Variants in STMND1 observed in about 807,000 individuals in gnomAD.
STMND1 encodes the protein stathmin domain containing 1, also known as stathmin domain-containing protein 1.
In STMND1, 17 loss-of-function variants were observed where a neutral mutation model predicts 23.0. The ratio of observed to expected loss-of-function variants is 0.74; its 90% CI spans 0.51 to 1.11. The LOEUF (loss-of-function observed/expected upper bound fraction) is 1.11. Among genes scored for constraint, STMND1 ranks in the 50% least tolerant of loss-of-function variants. The pLI is 0.00. For missense variants in STMND1, 305 were observed against 329.1 expected, an observed-to-expected ratio of 0.93 and a Z score of 0.57; for synonymous variants, 114 against 119.9, an observed-to-expected ratio of 0.95 and a Z score of 0.32.
At chr6:17,125,574 A>G (rs1365258494) in intron 3 of STMND1, among the ~76,000 whole-genome samples, 1 of 152,184 alleles carries the variant, frequency 6.6e-6, no homozygotes, top group Non-Finnish European at 1.5e-5. Flanking sequence ...CACATTGCAT[A>G]AGAGTCTCTA....
intron 2 of STMND1, among the ~76,000 whole-genome samples, chr6:17,119,855 A>G (rs1270983103): frequency 6.6e-6 from 1 of 152,296 alleles, no homozygotes; most frequent in Non-Finnish European, 1.5e-5. Context: ...GAAAAGCAAA[A>G]CTGTCTTTGG....
At chr6:17,104,710 T>G (rs76651167) in intron 1 of STMND1, among the ~76,000 whole-genome samples, 619 of 152,350 alleles carry the variant, frequency 4.1e-3, no homozygotes, top group Non-Finnish European at 5.1e-3. Flanking sequence ...AAATAAAATC[T>G]GATTATCTCA....
intron 3 of STMND1, among the ~76,000 whole-genome samples, chr6:17,122,840 G>A (rs559365624): frequency 1.3e-5 from 2 of 152,178 alleles, no homozygotes; most frequent in Admixed American, 1.3e-4. Context: ...GCATTTTGGA[G>A]TGCCTTATCT....
At chr6:17,126,950 T>C (rs1002661989) in intron 3 of STMND1, among the ~76,000 whole-genome samples, 9 of 152,214 alleles carry the variant, frequency 5.9e-5, no homozygotes, top group Non-Finnish European at 1.2e-4. Context: ...GGGTCTCCAC[T>C]ATGTGCTGGG....
intron 4 of STMND1, 76 bp downstream of exon 4, chr6:17,129,319 T>G: frequency 7.0e-7 from 1 of 1,437,666 alleles, no homozygotes; most frequent in Non-Finnish European, 9.2e-7. Flanking sequence ...AGCTTTCCTA[T>G]CAGCAGTTTT....
At chr6:17,110,946 A>G (rs1761090210) in intron 1 of STMND1, 2 of 453,376 alleles carry the variant, frequency 4.4e-6, no homozygotes, top group Middle Eastern at 3.3e-4. Flanking sequence ...GGAAACTTGC[A>G]ATGAAAGAGG....
chr6:17,119,012 C>A (rs1234162035), intron 2 of STMND1, among the ~76,000 whole-genome samples: 1 of 152,130 alleles, frequency 6.6e-6, no homozygotes, highest in African/African-American at 2.4e-5. Flanking sequence ...CCAGACAAGG[C>A]CACCTTCTAA....
chr6:17,110,043 A>G (rs1352223926), intron 1 of STMND1, among the ~76,000 whole-genome samples: 2 of 152,222 alleles, frequency 1.3e-5, no homozygotes, highest in African/African-American at 4.8e-5. Context: ...TCCTGGACAC[A>G]CAATATGATT....
chr6:17,102,428 G>T, intron 1 of STMND1, 90 bp downstream of exon 1: 1 of 1,473,526 alleles, frequency 6.8e-7, no homozygotes, highest in South Asian at 1.2e-5. Flanking sequence ...GGGGCGACAA[G>T]AGTTGGCTGG....
At chr6:17,119,665 A>G (rs1399369995) in intron 2 of STMND1, among the ~76,000 whole-genome samples, 2 of 151,410 alleles carry the variant, frequency 1.3e-5, no homozygotes, top group African/African-American at 4.9e-5. Context: ...TCGCCATTGC[A>G]CTCCAGCCCG....
At chr6:17,128,999 C>A in intron 3 of STMND1, 113 bp from the exon 4 acceptor site, 2 of 1,124,750 alleles carry the variant, frequency 1.8e-6, no homozygotes, top group Non-Finnish European at 2.5e-6. Context: ...AGGCATGAGC[C>A]ACTGCACCCA....
At chr6:17,116,509 C>T (rs754508412) in intron 2 of STMND1, among the ~76,000 whole-genome samples, 3 of 151,890 alleles carry the variant, frequency 2.0e-5, no homozygotes, top group Admixed American at 6.6e-5. Flanking sequence ...GTGCAATCTC[C>T]GCTCACTGCA....
intron 1 of STMND1, among the ~76,000 whole-genome samples, chr6:17,111,209 TG>T (rs1265939197): frequency 6.6e-6 from 1 of 152,214 alleles, no homozygotes; most frequent in African/African-American, 2.4e-5. Flanking sequence ...TGCTTTGTTT[TG>T]ACCTATTTAC....
intron 4 of STMND1, among the ~76,000 whole-genome samples, chr6:17,129,598 A>G (rs1417440588): frequency 4.0e-5 from 6 of 151,786 alleles, no homozygotes; most frequent in African/African-American, 1.5e-4. Flanking sequence ...TAATCCCAGC[A>G]CTTTGGGAGG....
chr6:17,116,451 T>A (rs753766422), intron 2 of STMND1, among the ~76,000 whole-genome samples: 1 of 152,166 alleles, frequency 6.6e-6, no homozygotes, highest in Admixed American at 6.5e-5. Flanking sequence ...ATACCTCTTT[T>A]TTTTTTGAGA....
At position 17,129,836 on chromosome 6, in the gene STMND1, C is replaced by A. The variant is rs1359623257; in HGVS notation, c.543+593C>A. Among the ~76,000 whole-genome samples the A allele has an allele frequency of 2.0e-5, 3 of 151,116 alleles. No individual in the cohort carries two copies. The East Asian group carries it at 5.9e-4, about 30-fold the overall frequency. Reference sequence around the variant, plus strand: ...CCCAGCCTGGGTGACAGAATGAGACCCCGTCTCCAAAAAAAAGAAAAAAAA... The same window carrying A: ...CCCAGCCTGGGTGACAGAATGAGACACCGTCTCCAAAAAAAAGAAAAAAAA... On this transcript the variant is annotated intron_variant, in intron 4 of 4. Coordinates refer to ENST00000536551, the MANE Select transcript of STMND1 (RefSeq NM_001190766.2).
At chr6:17,130,087 G>T (rs1478632944) in intron 4 of STMND1, among the ~76,000 whole-genome samples, 4 of 152,140 alleles carry the variant, frequency 2.6e-5, no homozygotes, top group Non-Finnish European at 4.4e-5. Context: ...AATAAAGCAG[G>T]TTGGGTGAAA....
intron 1 of STMND1, among the ~76,000 whole-genome samples, chr6:17,107,068 G>C (rs958191835): frequency 6.6e-6 from 1 of 152,126 alleles, no homozygotes; most frequent in African/African-American, 2.4e-5. Flanking sequence ...CAGTAAAGGG[G>C]AGTAAATTAC....
Position 17,120,606 on chromosome 6 carries a change from G to A in STMND1, c.260-1G>A. 6.8e-7 allele frequency: 1 copy of A among 1,462,298 alleles called. No homozygotes were observed. The highest frequency in any genetic ancestry group is 9.0e-7 in the Non-Finnish European group (1 of 1,113,618). The allele number at this position is 1,462,298 out of a possible 1,614,324, so 90.6% of individuals were successfully genotyped here. A position where few individuals can be genotyped will look rare whatever the true frequency, so the allele number is the denominator to read the frequency against. ...TTTTTTCTTTTCTTCTTTTTTGGAA[G>A]ACCTAGTGACCAATGGATTAATCAA... On this transcript the variant is annotated splice_acceptor_variant, in intron 2 of 4. Coordinates refer to ENST00000536551, the MANE Select transcript of STMND1 (RefSeq NM_001190766.2). LOFTEE classifies it high-confidence loss of function.
Sources: gnomAD v4.1 joint callset for allele counts (sites outside exome capture counted in the v4.1 genomes callset) on GRCh38, gnomAD v4.1.1 for gene constraint, MANE v1.5 for transcripts, NCBI Gene and HGNC (gene_info 2026-07-23, HGNC 2026-07-21) for gene names.